The following KCNA2 variants were observed in gnomAD, a reference collection of about 807,000 sequenced individuals.
The protein encoded by KCNA2 is potassium channel, voltage gated shaker related subfamily A, member 2.
A neutral mutation model predicts 33.4 loss-of-function variants in KCNA2; 11 were observed. That is an observed-to-expected ratio of 0.33 (90% CI 0.21 to 0.55). KCNA2 has a LOEUF of 0.55. Ranked by LOEUF, KCNA2 falls within the 20% of genes least tolerant of loss-of-function variation. The probability of loss-of-function intolerance (pLI) is 0.93; values close to 1 mark genes in which losing one functional copy is unlikely to be tolerated. For synonymous variants in KCNA2, 222 were observed against 231.3 expected (o/e 0.96, Z 0.37); for missense variants, 291 against 621.6 (o/e 0.47, Z 5.66).
chr1:110,627,466 C>T (rs116259502), intron 1 of KCNA2, among the ~76,000 whole-genome samples: 1,942 of 152,222 alleles, frequency 0.013, 53 homozygotes, highest in African/African-American at 0.045. Context: ...CTTGTTTATA[C>T]GGACAACATC....
chr1:110,624,648 A>AACT (rs1460518142), intron 1 of KCNA2, among the ~76,000 whole-genome samples: 5 of 152,370 alleles, frequency 3.3e-5, no homozygotes, highest in African/African-American at 1.2e-4. Context: ...CAATAACAAC[A>AACT]ACTACTACAC....
At chr1:110,620,091 AGT>A (rs1491551512) in intron 1 of KCNA2, among the ~76,000 whole-genome samples, 1,547 of 143,626 alleles carry the variant, frequency 0.011, 26 homozygotes, top group African/African-American at 0.025. Flanking sequence ...AGAGAGAGTG[AGT>A]GAGAGAGAGA....
Position 110,604,587 on chromosome 1 carries a change from T to C in KCNA2, c.196A>G (p.Met66Val). Reference protein sequence around the residue: ...ETLLGDPKKRMRYFDPLRNEY... With the variant: ...ETLLGDPKKRVRYFDPLRNEY... ...TTTCGGAGGGGGTCAAAGTACCTCATTCGTTTCTTTGGGTCCCCTAAGAGG... is the reference window on the plus strand; with the variant it reads ...TTTCGGAGGGGGTCAAAGTACCTCACTCGTTTCTTTGGGTCCCCTAAGAGG... Residue 66 changes from methionine to valine, a missense_variant, in exon 3 of 3, where the codon ATG becomes GTG. Coordinates refer to ENST00000316361, the MANE Select transcript of KCNA2 (RefSeq NM_004974.4). This position sits in a 1 kb window ranked among gnomAD's most constrained non-coding sequence, Gnocchi z 7.6. The C allele has an allele frequency of 6.2e-7, 1 of 1,614,182 alleles. No homozygotes were observed. Among genetic ancestry groups the C allele is most frequent in the Non-Finnish European group, 8.5e-7 (1 of 1,180,026 alleles).
chr1:110,600,110 G>A lies in KCNA2; in HGVS notation c.*3173C>T. 4 of 984,868 alleles carry A rather than the reference G, an allele frequency of 4.1e-6. No homozygotes were observed. The highest frequency in any genetic ancestry group is 4.8e-6 in the Non-Finnish European group (4 of 829,846). The allele number at this position is 984,868 out of a possible 1,614,324, so 61.0% of individuals were successfully genotyped here. The stretch of plus-strand genomic sequence containing the variant: ...CCTGGGGGATATAGACACAGGCCAG[G>A]CAAAGGTGATTACATCTGATCTTTT... On this transcript the variant is annotated 3_prime_UTR_variant, in exon 3 of 3. Transcript: ENST00000316361.
chr1:110,597,148 G>C lies in KCNA2; in HGVS notation c.*6135C>G, dbSNP rs1033302150. 18 of 985,290 alleles carry C rather than the reference G, an allele frequency of 1.8e-5. No individual in the cohort carries two copies. Among genetic ancestry groups the C allele is most frequent in the African/African-American group, 8.7e-5 (5 of 57,240 alleles). 61.0% of individuals were successfully genotyped at this position (985,290 alleles called of 1,614,324 possible). A position where few individuals can be genotyped will look rare whatever the true frequency, so the allele number is the denominator to read the frequency against. The stretch of plus-strand genomic sequence containing the variant: ...GAGCAAGTCAGCTTATTTTGAAAGA[G>C]AGTCAGAGGGCAATTCCCAAATCTG... On this transcript the variant is annotated 3_prime_UTR_variant, in exon 3 of 3. Coordinates refer to ENST00000316361, the MANE Select transcript of KCNA2 (RefSeq NM_004974.4).
chr1:110,626,111 A>G (rs1650380679), intron 1 of KCNA2, among the ~76,000 whole-genome samples: 1 of 152,226 alleles, frequency 6.6e-6, no homozygotes, highest in African/African-American at 2.4e-5. Flanking sequence ...AATTTATTCT[A>G]TGAATACACC....
In KCNA2 at chr1:110,624,420, A is replaced by T. The variant is rs12060372; in HGVS notation, c.-496+6975T>A. Reference sequence around the variant, plus strand: ...TATCATATGACTCCACTCCTGTGAAATTGCCAGAAATGGCACATCTATAGA... The same window carrying T: ...TATCATATGACTCCACTCCTGTGAATTTGCCAGAAATGGCACATCTATAGA... On this transcript the variant is annotated intron_variant, in intron 1 of 4. Coordinates refer to the KCNA2 transcript ENST00000369770. 1.4e-4 allele frequency among the ~76,000 whole-genome samples: 21 copies of T among 152,358 alleles called. 1 individual carries two copies. The East Asian group carries it at 2.1e-3, about 15-fold the overall frequency.
rs1649565963 is a variant in KCNA2, at chr1:110,605,627, C to G, written c.-400G>C. ...AGGGGCATGCGGGACTTGAAGACAG[C>G]CGAGCATGGGCCTGGAGCCTTTTGA... On this transcript the variant is annotated 5_prime_UTR_variant, in exon 2 of 3. Transcript: ENST00000316361. The G allele has an allele frequency of 6.6e-6, 1 of 152,506 alleles. No homozygotes were observed. Among genetic ancestry groups the G allele is most frequent in the Non-Finnish European group, 1.5e-5 (1 of 68,328 alleles). The allele number at this position is 152,506 out of a possible 1,614,324, so 9.4% of individuals were successfully genotyped here.
chr1:110,621,304 T>C (rs2101459203), intron 1 of KCNA2, among the ~76,000 whole-genome samples: 1 of 152,368 alleles, frequency 6.6e-6, no homozygotes, highest in Non-Finnish European at 1.5e-5. Flanking sequence ...CATAAAATTG[T>C]ATATACAGCC....
In KCNA2 at chr1:110,601,636, T is replaced by G; in HGVS notation, c.*1647A>C. 9.8e-7 allele frequency: 1 copy of G among 1,019,002 alleles called. No homozygotes were observed. The highest frequency in any genetic ancestry group is 1.7e-5 in the African/African-American group (1 of 58,672). 63.1% of individuals were successfully genotyped at this position (1,019,002 alleles called of 1,614,324 possible). On this transcript the variant is annotated 3_prime_UTR_variant, in exon 3 of 3. Transcript: ENST00000316361. ...GACAATTCTAACGTCTAGGAATCCA[T>G]GGATACCGGAGTGTCTGAGGCAATG...
At position 110,595,066 on chromosome 1, in the gene KCNA2, G is replaced by T. The variant is rs1003902367; in HGVS notation, c.*8217C>A. The T allele has an allele frequency of 2.0e-6, 2 of 985,330 alleles. No individual in the cohort carries two copies. The highest frequency in any genetic ancestry group is 1.1e-4 in the East Asian group (1 of 8,800). The allele number at this position is 985,330 out of a possible 1,614,324, so 61.0% of individuals were successfully genotyped here. A position where few individuals can be genotyped will look rare whatever the true frequency, so the allele number is the denominator to read the frequency against. On this transcript the variant is annotated 3_prime_UTR_variant, in exon 3 of 3. Coordinates refer to ENST00000316361, the MANE Select transcript of KCNA2 (RefSeq NM_004974.4). The stretch of plus-strand genomic sequence containing the variant: ...TTTCAAGGAGAAGCAGGGCTTAGAG[G>T]CCTCTCACAGAGACTCAGAAAGACA...
intron 1 of KCNA2, among the ~76,000 whole-genome samples, chr1:110,621,153 T>C (rs1275375338): frequency 6.6e-6 from 1 of 152,248 alleles, no homozygotes; most frequent in Non-Finnish European, 1.5e-5. Context: ...ACTTGCTCTG[T>C]CCTGCAGAGT....
chr1:110,620,932 G>A (rs979989634), intron 1 of KCNA2, among the ~76,000 whole-genome samples: 1 of 152,164 alleles, frequency 6.6e-6, no homozygotes, highest in Non-Finnish European at 1.5e-5. Context: ...GAGAGGCTGT[G>A]GACTGCCTCA....
Position 110,603,800 on chromosome 1 carries a change from A to G in KCNA2, c.983T>C (p.Leu328Ser). 6.2e-7 allele frequency: 1 copy of G among 1,614,094 alleles called. No homozygotes were observed. Among genetic ancestry groups the G allele is most frequent in the Non-Finnish European group, 8.5e-7 (1 of 1,180,022 alleles). ...GQTLKASMRE[L>S]GLLIFFLFIG... is the part of the protein sequence containing the mutation. Reference sequence around the variant, plus strand: ...GAAGAGAAAGAATATCAGGAGGCCCAATTCTCTCATGCTGGCTTTGAGGGT... The same window carrying G: ...GAAGAGAAAGAATATCAGGAGGCCCGATTCTCTCATGCTGGCTTTGAGGGT... Residue 328 changes from leucine to serine, a missense_variant, in exon 3 of 3, where the codon TTG (leucine) becomes TCG (serine). Around this residue, in one of 5 missense-constraint regions of KCNA2, gnomAD observed 43 missense variants for 159.4 expected, o/e 0.27. Transcript: ENST00000316361. The surrounding 1 kb of genome is among the most constrained non-coding windows in gnomAD (Gnocchi z 5.7).
chr1:110,596,033 G>A lies in KCNA2; in HGVS notation c.*7250C>T, dbSNP rs1649084930. On this transcript the variant is annotated 3_prime_UTR_variant, in exon 3 of 3. Coordinates refer to ENST00000316361, the MANE Select transcript of KCNA2 (RefSeq NM_004974.4). The stretch of plus-strand genomic sequence containing the variant: ...GACAGAAGAAAGGCTAAAGCACCTG[G>A]CTGTTAGATCAGACTTCCCTTTTAT... 1 of 985,432 alleles carries A rather than the reference G, an allele frequency of 1.0e-6. No individual in the cohort carries two copies. The highest frequency in any genetic ancestry group is 1.2e-6 in the Non-Finnish European group (1 of 829,940). The allele number at this position is 985,432 out of a possible 1,614,324, so 61.0% of individuals were successfully genotyped here.
rs914621185 is a variant in KCNA2 at position 110,594,593 on chromosome 1, C to A, written c.*8690G>T. On this transcript the variant is annotated 3_prime_UTR_variant, in exon 3 of 3. Transcript: ENST00000316361. ...CAATTTGGCTGGGGTATTGTTTGCT[C>A]AGCAGGCTAGAGCTTGATCATGGGA... 5 of 985,288 alleles carry A rather than the reference C, an allele frequency of 5.1e-6. No individual in the cohort carries two copies. The highest frequency in any genetic ancestry group is 3.6e-6 in the Non-Finnish European group (3 of 829,956). 61.0% of individuals were successfully genotyped at this position (985,288 alleles called of 1,614,324 possible). A position where few individuals can be genotyped will look rare whatever the true frequency, so the allele number is the denominator to read the frequency against.
rs746848290 is a variant in KCNA2 at position 110,596,135 on chromosome 1, G to T, written c.*7148C>A. 2.4e-5 allele frequency: 24 copies of T among 985,104 alleles called. No individual in the cohort carries two copies. The highest frequency in any genetic ancestry group is 2.8e-5 in the Non-Finnish European group (23 of 829,898). 61.0% of individuals were successfully genotyped at this position (985,104 alleles called of 1,614,324 possible). On this transcript the variant is annotated 3_prime_UTR_variant, in exon 3 of 3. Transcript: ENST00000316361. ...CCTGTTCTTTTTTTATGAAAGATCT[G>T]CCTTCTAGAGAGGTCCCTAAGCAGA...
At position 110,603,188 on chromosome 1, in the gene KCNA2, A is replaced by T; in HGVS notation, c.*95T>A. ...CAACTATTGCTTTCCATGCAGAACC[A>T]GATACACACTGTAGAACACACTGAC... On this transcript the variant is annotated 3_prime_UTR_variant, in exon 3 of 3. Transcript: ENST00000316361. The surrounding 1 kb of genome is among the most constrained non-coding windows in gnomAD (Gnocchi z 5.7). The T allele has an allele frequency of 1.3e-6, 2 of 1,506,492 alleles. No homozygotes were observed. Among genetic ancestry groups the T allele is most frequent in the Non-Finnish European group, 1.8e-6 (2 of 1,131,566 alleles). 93.3% of individuals were successfully genotyped at this position (1,506,492 alleles called of 1,614,324 possible). A position where few individuals can be genotyped will look rare whatever the true frequency, so the allele number is the denominator to read the frequency against.
intron 1 of KCNA2, among the ~76,000 whole-genome samples, chr1:110,612,937 A>G (rs1326481532): frequency 6.6e-6 from 1 of 152,180 alleles, no homozygotes; most frequent in Admixed American, 6.5e-5. Context: ...CTTGCCATTC[A>G]CATGACCTTA....
Sources: gnomAD v4.1 joint callset for allele counts (sites outside exome capture counted in the v4.1 genomes callset) on GRCh38, gnomAD v4.1.1 for gene constraint, gnomAD v4.1.1 regional missense constraint, Gnocchi (gnomAD v3.1) non-coding constraint, MANE v1.5 for transcripts, NCBI Gene and HGNC (gene_info 2026-07-23, HGNC 2026-07-21) for gene names.